GUCY1A2: variants seen among roughly 807,000 people sequenced by gnomAD.
GUCY1A2 encodes the protein guanylate cyclase 1 soluble subunit alpha 2.
Under a neutral mutation model 63.5 loss-of-function variants are expected in GUCY1A2, and 27 were observed. That is an observed-to-expected ratio of 0.43 (90% CI 0.31 to 0.59). The LOEUF is 0.59. GUCY1A2 is among the 20% of genes least tolerant of loss of function. GUCY1A2 has a pLI of 0.11. For synonymous variants in GUCY1A2, 364 were observed against 343.5 expected (o/e 1.06, Z -0.66); for missense variants, 768 against 913.3 (o/e 0.84, Z 2.05).
chr11:107,016,811 G>T (rs12290228), intron 1 of GUCY1A2, among the ~76,000 whole-genome samples: 7,649 of 150,504 alleles, frequency 0.051, 562 homozygotes, highest in African/African-American at 0.17. Flanking sequence ...GTACAGAGAG[G>T]TTTAAATAGC....
chr11:107,003,974 G>C (rs1253123285), intron 1 of GUCY1A2, among the ~76,000 whole-genome samples: 1 of 152,190 alleles, frequency 6.6e-6, no homozygotes, highest in African/African-American at 2.4e-5. Context: ...TCTGATCTCA[G>C]AGTTGCCTAA....
Position 106,836,692 on chromosome 11 carries a change from G to A in GUCY1A2, c.1207-26214C>T, listed in dbSNP as rs182285037. Among the ~76,000 whole-genome samples the A allele has an allele frequency of 6.4e-4, 98 of 152,002 alleles. 1 individual carries two copies. The highest frequency in any genetic ancestry group is 2.4e-3 in the African/African-American group (98 of 41,508). ...GTAATACGCAATTTACTGGAGAGAT[G>A]AACTGCTCATGCAGATCTGATTAGC... On this transcript the variant is annotated intron_variant, in intron 4 of 7. Coordinates refer to ENST00000526355, the MANE Select transcript of GUCY1A2 (RefSeq NM_000855.3).
At chr11:106,884,116 G>A (rs958320932) in intron 4 of GUCY1A2, among the ~76,000 whole-genome samples, 5 of 151,986 alleles carry the variant, frequency 3.3e-5, no homozygotes, top group African/African-American at 1.2e-4. Flanking sequence ...CACCAACATG[G>A]CACATGTATA....
At chr11:106,972,547 A>G (rs1408306918) in intron 3 of GUCY1A2, among the ~76,000 whole-genome samples, 1 of 152,094 alleles carries the variant, frequency 6.6e-6, no homozygotes, top group Non-Finnish European at 1.5e-5. Context: ...AGACACAGAA[A>G]CACAAATTTA....
chr11:106,916,310 T>C (rs946795991), intron 4 of GUCY1A2, among the ~76,000 whole-genome samples: 1 of 145,432 alleles, frequency 6.9e-6, no homozygotes, highest in Non-Finnish European at 1.5e-5. Flanking sequence ...TTTTCATGGG[T>C]TGCAGATTAT....
intron 7 of GUCY1A2, among the ~76,000 whole-genome samples, chr11:106,707,127 A>C (rs551455852): frequency 1.8e-3 from 272 of 151,954 alleles, no homozygotes; most frequent in Non-Finnish European, 3.5e-3. Context: ...CAAGGTATCC[A>C]CTACTTTAAT....
chr11:106,956,550 G>C (rs1860987059), intron 3 of GUCY1A2, among the ~76,000 whole-genome samples: 1 of 152,042 alleles, frequency 6.6e-6, no homozygotes, highest in Non-Finnish European at 1.5e-5. Context: ...CTGTAGGACT[G>C]CTGCAGTTTG....
intron 6 of GUCY1A2, among the ~76,000 whole-genome samples, chr11:106,763,348 G>T (rs1864099536): frequency 6.6e-6 from 1 of 152,052 alleles, no homozygotes. Context: ...GGGGGGCAGT[G>T]AGAGATGGGT....
chr11:106,816,362 C>A (rs535123992), intron 4 of GUCY1A2, among the ~76,000 whole-genome samples: 41 of 151,782 alleles, frequency 2.7e-4, no homozygotes, highest in African/African-American at 9.9e-4. Context: ...TGAAACAACA[C>A]TTTTCTACAC....
intron 4 of GUCY1A2, among the ~76,000 whole-genome samples, chr11:106,893,759 A>G (rs1860007053): frequency 6.6e-6 from 1 of 152,150 alleles, no homozygotes; most frequent in Admixed American, 6.5e-5. Flanking sequence ...CACAAGCAAA[A>G]ACGTCCTTGG....
chr11:106,827,882 T>G, intron 4 of GUCY1A2: 1 of 1,570,314 alleles, frequency 6.4e-7, no homozygotes, highest in Non-Finnish European at 8.8e-7. Flanking sequence ...GAGGGCGCGC[T>G]GCCTTCATGC....
At chr11:106,811,765 T>A (rs777535946) in intron 4 of GUCY1A2, among the ~76,000 whole-genome samples, 31 of 152,052 alleles carry the variant, frequency 2.0e-4, no homozygotes, top group Admixed American at 9.2e-4. Flanking sequence ...AGTTCAGTAT[T>A]TCATCCTTTT....
intron 5 of GUCY1A2, among the ~76,000 whole-genome samples, chr11:106,807,061 G>T (rs1028843217): frequency 6.6e-6 from 1 of 152,018 alleles, no homozygotes; most frequent in African/African-American, 2.4e-5. Flanking sequence ...TTGGCATTTA[G>T]TTTTACCTGG....
chr11:106,749,052 C>A (rs924055064), intron 6 of GUCY1A2, among the ~76,000 whole-genome samples: 2 of 152,012 alleles, frequency 1.3e-5, no homozygotes, highest in Non-Finnish European at 2.9e-5. Flanking sequence ...TTTCACTATA[C>A]CTTTTCTTGT....
intron 4 of GUCY1A2, among the ~76,000 whole-genome samples, chr11:106,918,643 T>A (rs1042735114): frequency 1.4e-5 from 2 of 145,530 alleles, no homozygotes; most frequent in Non-Finnish European, 3.1e-5. Flanking sequence ...ATTTTCAAAA[T>A]TTATTGGTGA....
In GUCY1A2 at chr11:106,939,884, ATCT is replaced by A; in HGVS notation, c.779_781del (p.Lys260del). 1.9e-6 allele frequency: 3 copies of A among 1,614,154 alleles called. No homozygotes were observed. Among genetic ancestry groups the A allele is most frequent in the South Asian group, 2.2e-5 (2 of 91,078 alleles). ...TTCCACTTCCACATCCAGCCGATAGATCTTCTTTCCTGCAGCCTTAATCATCCC... is the reference window on the plus strand; with the variant it reads ...TTCCACTTCCACATCCAGCCGATAGATCTTTCCTGCAGCCTTAATCATCCC... On this transcript the variant is annotated inframe_deletion, in exon 4 of 8. Coordinates refer to ENST00000526355, the MANE Select transcript of GUCY1A2 (RefSeq NM_000855.3).
At chr11:107,014,787 G>A (rs1861797498) in intron 1 of GUCY1A2, among the ~76,000 whole-genome samples, 1 of 152,064 alleles carries the variant, frequency 6.6e-6, no homozygotes, top group Non-Finnish European at 1.5e-5. Context: ...AGCTTCCATG[G>A]CAAGTACAGT....
intron 6 of GUCY1A2, among the ~76,000 whole-genome samples, chr11:106,744,972 G>A (rs539800547): frequency 6.6e-6 from 1 of 152,218 alleles, no homozygotes; most frequent in African/African-American, 2.4e-5. Flanking sequence ...AATCTTGTGA[G>A]TGTAAACTAC....
At chr11:106,885,769 A>G (rs1054219896) in intron 4 of GUCY1A2, among the ~76,000 whole-genome samples, 1 of 152,216 alleles carries the variant, frequency 6.6e-6, no homozygotes, top group African/African-American at 2.4e-5. Flanking sequence ...CTCTATACAA[A>G]TGCAACTTAT....
Sources: gnomAD v4.1 joint callset for allele counts (sites outside exome capture counted in the v4.1 genomes callset) on GRCh38, gnomAD v4.1.1 for gene constraint, MANE v1.5 for transcripts, NCBI Gene and HGNC (gene_info 2026-07-23, HGNC 2026-07-21) for gene names.